The following SOX6 variants were observed in gnomAD, a reference collection of about 807,000 sequenced individuals.
The protein encoded by SOX6 is SRY-box transcription factor 6, also known as transcription factor SOX-6.
SOX6 carries 11 observed loss-of-function variants against 97.8 expected under a neutral mutation model. The ratio of observed to expected loss-of-function variants is 0.11; its 90% CI spans 0.07 to 0.19. The LOEUF (loss-of-function observed/expected upper bound fraction) is 0.19. Among genes scored for constraint, SOX6 ranks in the 10% least tolerant of loss-of-function variants. SOX6 has a pLI of 1.00. For missense variants in SOX6, 810 were observed against 1,039.5 expected, an observed-to-expected ratio of 0.78 and a Z score of 3.04; for synonymous variants, 360 against 371.4, an observed-to-expected ratio of 0.97 and a Z score of 0.35.
rs748705352 is a variant in SOX6 at position 16,111,827 on chromosome 11, G to A, written c.874C>T (p.Pro292Ser). 4 of 1,613,144 alleles carry A rather than the reference G, an allele frequency of 2.5e-6. No homozygotes were observed. The highest frequency in any genetic ancestry group is 1.3e-5 in the African/African-American group (1 of 75,018). ...AAAAQQGFLF[P>S]PGITYKPGDN... ...CCTGGTTTGTATGTTATTCCAGGGG[G>A]GAAGAGGAATCCCTGTTGGGCAGCA... Residue 292 changes from proline (P) to serine (S), a missense_variant, in exon 7 of 16, where the codon CCC becomes TCC. Coordinates refer to ENST00000683767, the MANE Select transcript of SOX6 (RefSeq NM_001367873.1).
intron 4 of SOX6, among the ~76,000 whole-genome samples, chr11:16,565,843 T>C (rs1481989450): frequency 1.3e-5 from 2 of 151,874 alleles, no homozygotes; most frequent in Admixed American, 1.3e-4. Flanking sequence ...ACACCTGTAA[T>C]CCCAGCACTT....
At chr11:16,542,565 A>C (rs1334882335) in intron 4 of SOX6, among the ~76,000 whole-genome samples, 6 of 152,244 alleles carry the variant, frequency 3.9e-5, no homozygotes, top group Admixed American at 1.3e-4. Flanking sequence ...CACACACACA[A>C]AAAAATTCCC....
intron 6 of SOX6, among the ~76,000 whole-genome samples, chr11:16,168,728 A>G (rs1475298910): frequency 1.3e-5 from 2 of 152,134 alleles, no homozygotes; most frequent in African/African-American, 4.8e-5. Flanking sequence ...ATGGCTGTAC[A>G]CAAGGCTCAG....
At chr11:16,518,715 C>T (rs1211853921) in intron 4 of SOX6, among the ~76,000 whole-genome samples, 3 of 152,112 alleles carry the variant, frequency 2.0e-5, no homozygotes, top group Non-Finnish European at 4.4e-5. Flanking sequence ...ATTTGCTGTG[C>T]TGTGTGCCAC....
chr11:16,609,433 C>T (rs1348046240), intron 4 of SOX6, among the ~76,000 whole-genome samples: 4 of 151,820 alleles, frequency 2.6e-5, no homozygotes, highest in Admixed American at 6.5e-5. Flanking sequence ...GACAGTTCAT[C>T]GAAAGAGACT....
intron 4 of SOX6, among the ~76,000 whole-genome samples, chr11:16,227,914 C>A (rs1182620652): frequency 6.6e-6 from 1 of 152,020 alleles, no homozygotes; most frequent in African/African-American, 2.4e-5. Context: ...ATATGAGACC[C>A]AGGCCGGGTG....
chr11:16,382,762 C>T (rs898490680), intron 1 of SOX6, among the ~76,000 whole-genome samples: 1 of 151,674 alleles, frequency 6.6e-6, no homozygotes, highest in African/African-American at 2.4e-5. Flanking sequence ...AGAAATGGAC[C>T]TAAAATGAAG....
intron 3 of SOX6, among the ~76,000 whole-genome samples, chr11:16,286,228 C>G (rs1359916495): frequency 6.6e-6 from 1 of 152,120 alleles, no homozygotes; most frequent in Non-Finnish European, 1.5e-5. Flanking sequence ...ATAAAAGCAT[C>G]TCAGTGTGTA....
At chr11:16,076,683 C>T (rs1269799816) in intron 9 of SOX6, among the ~76,000 whole-genome samples, 1 of 147,334 alleles carries the variant, frequency 6.8e-6, no homozygotes, top group Non-Finnish European at 1.5e-5. Context: ...GAAGCAGGCA[C>T]ATCTTACATG....
intron 1 of SOX6, among the ~76,000 whole-genome samples, chr11:16,399,433 C>T (rs553419033): frequency 6.6e-6 from 1 of 151,338 alleles, no homozygotes; most frequent in East Asian, 1.9e-4. Flanking sequence ...TATCATAGCT[C>T]ATTTGCAACC....
At chr11:16,373,599 T>C (rs1485323428) in intron 1 of SOX6, among the ~76,000 whole-genome samples, 1 of 152,114 alleles carries the variant, frequency 6.6e-6, no homozygotes, top group African/African-American at 2.4e-5. Flanking sequence ...TATAGGTTTC[T>C]ATAATTTCCA....
chr11:16,031,020 C>T (rs966293872), intron 12 of SOX6, among the ~76,000 whole-genome samples: 4 of 152,140 alleles, frequency 2.6e-5, no homozygotes, highest in African/African-American at 7.2e-5. Flanking sequence ...TGGCCATTAG[C>T]ATCTTATAAA....
At chr11:16,279,245 G>C (rs1381668497) in intron 3 of SOX6, among the ~76,000 whole-genome samples, 3 of 151,962 alleles carry the variant, frequency 2.0e-5, no homozygotes, top group African/African-American at 7.2e-5. Context: ...ACAAAAACTG[G>C]ATACTATAAA....
chr11:16,545,107 AAC>A (rs1847602773), intron 4 of SOX6, among the ~76,000 whole-genome samples: 1 of 152,128 alleles, frequency 6.6e-6, no homozygotes, highest in African/African-American at 2.4e-5. Flanking sequence ...AAATAAAAAA[AAC>A]ACACTGGATT....
At chr11:16,729,561 C>G (rs1848333338) in intron 2 of SOX6, among the ~76,000 whole-genome samples, 1 of 152,126 alleles carries the variant, frequency 6.6e-6, no homozygotes, top group East Asian at 1.9e-4. Context: ...GCCTGCCTTA[C>G]AAGAGATCCT....
At chr11:16,466,241 A>T (rs971603308) in intron 1 of SOX6, among the ~76,000 whole-genome samples, 2 of 152,340 alleles carry the variant, frequency 1.3e-5, no homozygotes, top group African/African-American at 4.8e-5. Context: ...AATTTGGTGA[A>T]ATTATAATCA....
At chr11:16,244,602 T>A (rs1271248806) in intron 3 of SOX6, among the ~76,000 whole-genome samples, 1 of 151,764 alleles carries the variant, frequency 6.6e-6, no homozygotes, top group Non-Finnish European at 1.5e-5. Context: ...TAATTTATTT[T>A]GTATGTATGG....
chr11:16,326,893 G>A (rs1004238731), intron 2 of SOX6, among the ~76,000 whole-genome samples: 1 of 152,262 alleles, frequency 6.6e-6, no homozygotes, highest in South Asian at 2.1e-4. Context: ...ACTTGGGCTG[G>A]GAACATTTTA....
chr11:16,186,411 A>G (rs895165742), intron 5 of SOX6, among the ~76,000 whole-genome samples: 10 of 152,194 alleles, frequency 6.6e-5, no homozygotes, highest in Non-Finnish European at 1.3e-4. Context: ...TTTTTCTGGA[A>G]CAGAACCCCC....
Sources: allele counts gnomAD v4.1 joint callset (sites outside exome capture counted in the v4.1 genomes callset), GRCh38; gene constraint gnomAD v4.1.1; transcripts MANE v1.5; gene names NCBI Gene and HGNC (gene_info 2026-07-23, HGNC 2026-07-21).